Variants in FRMPD2 observed in about 807,000 individuals in gnomAD.
FRMPD2 encodes the protein FERM and PDZ domain containing 2, also known as FERM and PDZ domain-containing protein 2.
Under a neutral mutation model 140.1 loss-of-function variants are expected in FRMPD2, and 96 were observed. The observed-to-expected ratio is 0.69, with a 90% CI of 0.58 to 0.81. The LOEUF (loss-of-function observed/expected upper bound fraction) is 0.81, where lower values mean the gene tolerates loss of function less well. Ranked by LOEUF, FRMPD2 falls within the 40% of genes least tolerant of loss-of-function variation. The pLI is 0.00. For missense variants in FRMPD2, 1,240 were observed against 1,447.4 expected, an observed-to-expected ratio of 0.86 and a Z score of 2.32; for synonymous variants, 449 against 547.6, an observed-to-expected ratio of 0.82 and a Z score of 2.52.
intron 1 of FRMPD2, among the ~76,000 whole-genome samples, chr10:48,256,979 A>G (rs948815986): frequency 3.9e-5 from 6 of 152,224 alleles, no homozygotes; most frequent in Admixed American, 3.9e-4. Flanking sequence ...TTCCAGGAAC[A>G]AGAAATCCAA....
At chr10:48,177,433 T>G (rs1345318171) in intron 22 of FRMPD2, 4 of 152,210 alleles carry the variant, frequency 2.6e-5, no homozygotes, top group Admixed American at 2.6e-4. Context: ...CTTTCAATAC[T>G]CAGTAATAAA....
intron 1 of FRMPD2, among the ~76,000 whole-genome samples, chr10:48,263,438 A>C (rs1161865900): frequency 6.6e-6 from 1 of 152,122 alleles, no homozygotes; most frequent in East Asian, 1.9e-4. Flanking sequence ...AGAGAGAAAA[A>C]AAAAGAGAGA....
intron 10 of FRMPD2, among the ~76,000 whole-genome samples, chr10:48,228,173 G>C (rs1242811782): frequency 6.6e-6 from 1 of 152,010 alleles, no homozygotes; most frequent in African/African-American, 2.4e-5. Context: ...AATAACGTAA[G>C]ATAATGACTA....
chr10:48,210,505 G>A (rs112340180), intron 13 of FRMPD2, among the ~76,000 whole-genome samples: 2 of 152,208 alleles, frequency 1.3e-5, no homozygotes, highest in African/African-American at 2.4e-5. Flanking sequence ...AGAAGGTAGC[G>A]TCCATCCTGC....
At chr10:48,219,222 A>T (rs77471622) in intron 12 of FRMPD2, among the ~76,000 whole-genome samples, 2,013 of 143,722 alleles carry the variant, frequency 0.014, 44 homozygotes, top group African/African-American at 0.052. Context: ...TGTGGTTAAC[A>T]TTTCTTTCTT....
intron 15 of FRMPD2, 113 bp from the exon 16 acceptor site, chr10:48,193,007 T>C (rs1838872198): frequency 2.6e-6 from 2 of 774,714 alleles, no homozygotes; most frequent in African/African-American, 3.4e-5. Flanking sequence ...TCCTTTCTTT[T>C]TCTGCTGCTA....
intron 28 of FRMPD2, among the ~76,000 whole-genome samples, 165 bp downstream of exon 28, chr10:48,163,163 C>T (rs1837989260): frequency 9.6e-6 from 1 of 104,240 alleles, no homozygotes; most frequent in Admixed American, 9.1e-5. Flanking sequence ...GTGGTCACAG[C>T]AGCACCAGAC....
chr10:48,207,699 G>T (rs1433392118), intron 13 of FRMPD2, among the ~76,000 whole-genome samples: 1 of 152,124 alleles, frequency 6.6e-6, no homozygotes, highest in East Asian at 1.9e-4. Flanking sequence ...CCCATCAGAA[G>T]GTTGATGTGT....
At chr10:48,233,475 C>T (rs1839900807) in intron 9 of FRMPD2, among the ~76,000 whole-genome samples, 2 of 152,304 alleles carry the variant, frequency 1.3e-5, no homozygotes, top group African/African-American at 4.8e-5. Context: ...GGCTGGGAGG[C>T]AGGTCTGACC....
intron 2 of FRMPD2, among the ~76,000 whole-genome samples, chr10:48,250,582 A>G (rs1840352778): frequency 6.6e-6 from 1 of 151,828 alleles, no homozygotes; most frequent in Non-Finnish European, 1.5e-5. Flanking sequence ...TTGTGTGTGT[A>G]TTTTTAGTAG....
At chr10:48,163,244 A>T (rs1837991403) in intron 28 of FRMPD2, 84 bp downstream of exon 28, 6 of 791,016 alleles carry the variant, frequency 7.6e-6, no homozygotes, top group Non-Finnish European at 1.4e-5. Flanking sequence ...TCATCCAAGC[A>T]TAGTTATTGA....
intron 15 of FRMPD2, among the ~76,000 whole-genome samples, chr10:48,200,940 G>A (rs2131862380): frequency 1.3e-5 from 2 of 152,290 alleles, no homozygotes; most frequent in South Asian, 4.1e-4. Flanking sequence ...CTATCTACAA[G>A]TAAAATTATG....
At chr10:48,246,423 A>T (rs141341082) in intron 3 of FRMPD2, among the ~76,000 whole-genome samples, 2 of 152,206 alleles carry the variant, frequency 1.3e-5, no homozygotes, top group Admixed American at 1.3e-4. Flanking sequence ...AATTCAGCTC[A>T]CTGGTAGACA....
intron 1 of FRMPD2, among the ~76,000 whole-genome samples, chr10:48,259,231 T>A (rs1278769143): frequency 1.3e-5 from 2 of 152,154 alleles, no homozygotes; most frequent in Non-Finnish European, 2.9e-5. Context: ...CTTACAGAGT[T>A]TTCATAAACT....
At chr10:48,214,063 A>C (rs542608877) in intron 12 of FRMPD2, among the ~76,000 whole-genome samples, 7 of 152,300 alleles carry the variant, frequency 4.6e-5, no homozygotes, top group African/African-American at 1.7e-4. Flanking sequence ...AGCTGCCGAA[A>C]AGATCTGCTG....
Position 48,241,042 on chromosome 10 carries a change from T to C in FRMPD2, c.568-550A>G, listed in dbSNP as rs1226845. 9.1e-3 allele frequency among the ~76,000 whole-genome samples: 1,390 copies of C among 152,304 alleles called. 5 individuals are homozygous for C. Among genetic ancestry groups the C allele is most frequent in the Non-Finnish European group, 0.014 (937 of 68,030 alleles). The stretch of plus-strand genomic sequence containing the variant: ...ATGTTGCAGGTCAGTACACTGTCTA[T>C]CCAAGGACAATGGCACACCAGTGGA... On this transcript the variant is annotated intron_variant, in intron 5 of 28. Transcript: ENST00000374201.
chr10:48,225,262 C>T (rs935188989), intron 10 of FRMPD2, among the ~76,000 whole-genome samples: 2 of 152,006 alleles, frequency 1.3e-5, no homozygotes, highest in African/African-American at 4.8e-5. Context: ...TATGTCTAAC[C>T]CTGATAAAGT....
At chr10:48,169,063 C>T (rs1838173093) in intron 26 of FRMPD2, among the ~76,000 whole-genome samples, 1 of 149,616 alleles carries the variant, frequency 6.7e-6, no homozygotes, top group Non-Finnish European at 1.5e-5. Context: ...TCTGCCAATA[C>T]CAATGCCTTT....
chr10:48,244,348 A>G (rs1201959979), intron 4 of FRMPD2, among the ~76,000 whole-genome samples: 2 of 152,236 alleles, frequency 1.3e-5, no homozygotes, highest in Non-Finnish European at 2.9e-5. Flanking sequence ...ACTCTAAAAA[A>G]TCTTTGAGAG....
Sources: allele counts gnomAD v4.1 joint callset (sites outside exome capture counted in the v4.1 genomes callset), GRCh38; gene constraint gnomAD v4.1.1; transcripts MANE v1.5; gene names NCBI Gene and HGNC (gene_info 2026-07-23, HGNC 2026-07-21).